CADPS: variants seen among roughly 807,000 people sequenced by gnomAD.
CADPS encodes calcium-dependent secretion activator 1.
A neutral mutation model predicts 167.3 loss-of-function variants in CADPS; 57 were observed. The ratio of observed to expected loss-of-function variants is 0.34; its 90% CI spans 0.28 to 0.42. The LOEUF is 0.42. CADPS is among the 20% of genes least tolerant of loss of function. CADPS has a pLI of 1.00. For synonymous variants in CADPS, 676 were observed against 635.3 expected (o/e 1.06, Z -0.96); for missense variants, 1,414 against 1,738.1 (o/e 0.81, Z 3.32).
chr3:62,444,573 C>T (rs2056907310), intron 27 of CADPS, among the ~76,000 whole-genome samples: 1 of 152,192 alleles, frequency 6.6e-6, no homozygotes, highest in African/African-American at 2.4e-5. Flanking sequence ...GTTATGTGAG[C>T]TTTTTCTATT....
intron 13 of CADPS, 41 bp from the exon 14 acceptor site, chr3:62,518,291 GCTGACAC>G: frequency 2.2e-6 from 3 of 1,392,706 alleles, no homozygotes; most frequent in Non-Finnish European, 3.0e-6. Flanking sequence ...AACCTCATAT[GCTGACAC>G]CATCAAATCA....
At position 62,662,392 on chromosome 3, in the gene CADPS, C is replaced by T. The variant is rs1443851854; in HGVS notation, c.891G>A (p.Leu297=). ...GGGCTGCTTGCTCATCTGGATTGTCCAGCTGCACAAAAGCACAGACATTGA... is the reference window on the plus strand; with the variant it reads ...GGGCTGCTTGCTCATCTGGATTGTCTAGCTGCACAAAAGCACAGACATTGA... The part of the protein sequence containing the change: ...EHQLLYNACQ[L]DNPDEQAAQI... Residue 297 remains leucine, a splice_region_variant and synonymous_variant, in exon 4 of 30, where the codon CTG becomes CTA. Transcript: ENST00000383710. 1.2e-6 allele frequency: 2 copies of T among 1,613,814 alleles called. No homozygotes were observed. Among genetic ancestry groups the T allele is most frequent in the South Asian group, 2.2e-5 (2 of 91,066 alleles).
intron 10 of CADPS, among the ~76,000 whole-genome samples, chr3:62,553,339 A>T (rs2600855): frequency 0.88 from 133,909 of 152,236 alleles, 58,951 homozygotes; most frequent in Middle Eastern, 0.94. Context: ...TATATTTTTA[A>T]TCAATCCTCC....
chr3:62,595,994 C>A (rs1236813314), intron 6 of CADPS, among the ~76,000 whole-genome samples: 1 of 151,958 alleles, frequency 6.6e-6, no homozygotes. Context: ...CTCAGACTGG[C>A]TCTTCTTGCT....
chr3:62,783,557 C>T (rs777535952), intron 1 of CADPS, among the ~76,000 whole-genome samples: 18 of 152,036 alleles, frequency 1.2e-4, no homozygotes, highest in East Asian at 3.9e-4. Context: ...ACTTGAATTC[C>T]GGCTCAGCAT....
Position 62,592,705 on chromosome 3 carries a change from C to T in CADPS, c.1369G>A (p.Ala457Thr), listed in dbSNP as rs887402738. The T allele has an allele frequency of 1.2e-6, 2 of 1,614,094 alleles. No homozygotes were observed. Among genetic ancestry groups the T allele is most frequent in the African/African-American group, 2.7e-5 (2 of 74,944 alleles). ...GDFSTTHALP[A>T]VKVKLFTEST... ...TCTGTGAACAGCTTCACCTTCACAG[C>T]TGGCAGTGCATGGGTTGTGGAGAAG... The change falls in exon 7 of 30, where the codon GCT becomes ACT. Residue 457 changes from alanine to threonine, a missense_variant. By Grantham distance (58) the Ala-to-Thr change is moderately conservative. Coordinates refer to ENST00000383710, the MANE Select transcript of CADPS (RefSeq NM_003716.4).
rs139037093 is a variant in CADPS, at chr3:62,856,400, A to T, written c.441+18189T>A. On this transcript the variant is annotated intron_variant, in intron 1 of 29. Coordinates refer to ENST00000383710, the MANE Select transcript of CADPS (RefSeq NM_003716.4). ...TTCCTGGATGGGGTTTCAATGTCAT[A>T]AAGATATCAGCTTTCTTTATGTTAA... is the stretch of plus-strand genomic sequence containing the variant. Among the ~76,000 whole-genome samples the T allele has an allele frequency of 3.8e-4, 58 of 152,344 alleles. 2 individuals are homozygous for T. Among genetic ancestry groups the T allele is most frequent in the African/African-American group, 1.3e-3 (56 of 41,596 alleles).
intron 5 of CADPS, among the ~76,000 whole-genome samples, chr3:62,647,426 C>G (rs2068832242): frequency 6.6e-6 from 1 of 152,154 alleles, no homozygotes. Flanking sequence ...GGTTGGAGCC[C>G]AGGACTTTCT....
chr3:62,560,818 C>T (rs1351690615), intron 9 of CADPS, among the ~76,000 whole-genome samples: 5 of 152,094 alleles, frequency 3.3e-5, no homozygotes, highest in Admixed American at 6.5e-5. Flanking sequence ...CAGTGGCTTA[C>T]GCCTGTAATC....
rs752372264 is a variant in CADPS, at chr3:62,557,391, G to A, written c.1753+14C>T. 36 of 1,589,110 alleles carry A rather than the reference G, an allele frequency of 2.3e-5. No individual in the cohort carries two copies. The African/African-American group carries it at 3.2e-4, about 14-fold the overall frequency. ...AGGGTTTGTGGGCTCGTGGCCTTGA[G>A]GGTCGGTGGGTACCTGGCTGGGGGT... On this transcript the variant is annotated intron_variant, in intron 10 of 29. Transcript: ENST00000383710.
At chr3:62,570,542 G>C (rs1007873671) in intron 9 of CADPS, among the ~76,000 whole-genome samples, 1 of 152,146 alleles carries the variant, frequency 6.6e-6, no homozygotes, top group Non-Finnish European at 1.5e-5. Flanking sequence ...CTCCATCCCT[G>C]GCAGGAGACT....
chr3:62,652,077 TC>T, intron 4 of CADPS, among the ~76,000 whole-genome samples: 1 of 152,254 alleles, frequency 6.6e-6, no homozygotes, highest in Middle Eastern at 3.4e-3. Context: ...GGCTTCATGC[TC>T]AGTTTGGCTC....
intron 11 of CADPS, among the ~76,000 whole-genome samples, chr3:62,540,808 C>A (rs887948897): frequency 1.1e-4 from 17 of 152,024 alleles, no homozygotes; most frequent in African/African-American, 4.1e-4. Context: ...CAGTGTCAAA[C>A]ATAAAAAAAT....
chr3:62,435,444 G>A (rs2054802969), intron 28 of CADPS, among the ~76,000 whole-genome samples: 1 of 152,190 alleles, frequency 6.6e-6, no homozygotes. Flanking sequence ...AGTAAGTACT[G>A]AATTAAATTA....
chr3:62,584,158 C>G (rs1333130002), intron 8 of CADPS, among the ~76,000 whole-genome samples: 2 of 151,992 alleles, frequency 1.3e-5, no homozygotes, highest in Non-Finnish European at 2.9e-5. Flanking sequence ...GTGCCCACCA[C>G]CATGCCCAGC....
At chr3:62,694,737 T>C (rs1216910871) in intron 3 of CADPS, among the ~76,000 whole-genome samples, 1 of 152,012 alleles carries the variant, frequency 6.6e-6, no homozygotes, top group Non-Finnish European at 1.5e-5. Context: ...GCCCATAGAA[T>C]TAACAGGTCC....
chr3:62,473,694 C>CTT (rs1200271307), intron 24 of CADPS: 2 of 140,162 alleles, frequency 1.4e-5, no homozygotes, highest in Non-Finnish European at 3.1e-5. Flanking sequence ...TTTTTTTTTT[C>CTT]TTTTTTTTTT....
At chr3:62,720,434 C>T (rs1328948618) in intron 3 of CADPS, among the ~76,000 whole-genome samples, 1 of 151,864 alleles carries the variant, frequency 6.6e-6, no homozygotes, top group Non-Finnish European at 1.5e-5. Context: ...TAGCCTCAAG[C>T]AATCCTCCCA....
chr3:62,718,933 T>G (rs1464175605), intron 3 of CADPS, among the ~76,000 whole-genome samples: 1 of 152,178 alleles, frequency 6.6e-6, no homozygotes, highest in African/African-American at 2.4e-5. Context: ...GCTGAAGATA[T>G]TTGCTTTAAA....
Sources: allele counts gnomAD v4.1 joint callset (sites outside exome capture counted in the v4.1 genomes callset), GRCh38; gene constraint gnomAD v4.1.1; transcripts MANE v1.5; gene names NCBI Gene and HGNC (gene_info 2026-07-23, HGNC 2026-07-21).